Variants in C1orf159 observed in about 807,000 individuals in gnomAD.
C1orf159 encodes uncharacterized protein C1orf159.
C1orf159 carries 19 observed loss-of-function variants against 25.6 expected under a neutral mutation model. The ratio of observed to expected loss-of-function variants is 0.74; its 90% confidence interval spans 0.52 to 1.09. The LOEUF (loss-of-function observed/expected upper bound fraction) is 1.09. Among genes scored for constraint, C1orf159 ranks in the 50% least tolerant of loss-of-function variants. The pLI is 0.00. For synonymous variants in C1orf159, 139 were observed against 124.7 expected (o/e 1.12, Z -0.77); for missense variants, 274 against 290.6 (o/e 0.94, Z 0.42).
chr1:1,107,001 C>G (rs377567134), intron 1 of C1orf159: 83 of 152,468 alleles, frequency 5.4e-4, no homozygotes, highest in African/African-American at 1.9e-3. Flanking sequence ...TGCCTCCACG[C>G]GGGGCAGGGC....
intron 4 of C1orf159, among the ~76,000 whole-genome samples, chr1:1,088,843 G>A (rs1007489493): frequency 6.6e-6 from 1 of 152,120 alleles, no homozygotes; most frequent in African/African-American, 2.4e-5. Context: ...GGTTGTGACA[G>A]GGGTCACTCT....
At chr1:1,084,620 G>T (rs917936001) in intron 7 of C1orf159, 114 bp from the exon 8 acceptor site, 4 of 1,367,642 alleles carry the variant, frequency 2.9e-6, no homozygotes, top group Non-Finnish European at 4.0e-6. Flanking sequence ...AGCCCAGTGC[G>T]GCGTCCTCGG....
intron 9 of C1orf159, chr1:1,083,410 G>A (rs1645776859): frequency 1.5e-5 from 3 of 203,988 alleles, no homozygotes; most frequent in South Asian, 9.9e-5. Context: ...AGGGTTCCCC[G>A]GGCAGGCCCT....
chr1:1,092,189 G>A (rs1173003524), intron 1 of C1orf159, 86 bp from the exon 2 acceptor site: 2 of 336,870 alleles, frequency 5.9e-6, no homozygotes, highest in Admixed American at 8.0e-5. Flanking sequence ...TCTGGGTCCG[G>A]TCCGGGCCCT....
chr1:1,098,696 C>T (rs1248620303), intron 1 of C1orf159, among the ~76,000 whole-genome samples: 1 of 152,088 alleles, frequency 6.6e-6, no homozygotes, highest in Non-Finnish European at 1.5e-5. Context: ...TCGGGTCACT[C>T]CGTCTTTTGG....
At chr1:1,086,919 T>C (rs1645841026) in intron 6 of C1orf159, among the ~76,000 whole-genome samples, 1 of 152,158 alleles carries the variant, frequency 6.6e-6, no homozygotes, top group Non-Finnish European at 1.5e-5. Context: ...CTCCCCTAAC[T>C]ACGGCCCTTT....
chr1:1,093,308 T>G (rs975794728), intron 1 of C1orf159, among the ~76,000 whole-genome samples: 1 of 152,260 alleles, frequency 6.6e-6, no homozygotes, highest in African/African-American at 2.4e-5. Context: ...AACATCATTT[T>G]GATTCAGGAA....
intron 1 of C1orf159, among the ~76,000 whole-genome samples, chr1:1,098,161 A>C (rs1646035317): frequency 6.6e-6 from 1 of 151,744 alleles, no homozygotes; most frequent in Non-Finnish European, 1.5e-5. Flanking sequence ...CTCCACCTCT[A>C]GGGTTTTTAA....
chr1:1,089,166 C>T lies in C1orf159; in HGVS notation c.148+1187G>A, dbSNP rs1470795279. ...ACACCGCAGGCCCGGCCCCTCCCCA[C>T]GCGCGCCAGACGGTCCCCACCCTGC... On this transcript the variant is annotated intron_variant, in intron 4 of 9. Transcript: ENST00000421241. This position sits in a 1 kb window ranked among gnomAD's most constrained non-coding sequence, Gnocchi z 7.5. Among the ~76,000 whole-genome samples the T allele has an allele frequency of 7.9e-5, 12 of 152,290 alleles. No individual in the cohort carries two copies. Among genetic ancestry groups the T allele is most frequent in the East Asian group, 1.9e-4 (1 of 5,180 alleles).
In C1orf159 at chr1:1,091,186, T is replaced by C. The variant is rs186762014; in HGVS notation, c.72+286A>G. The C allele has an allele frequency of 3.2e-4, 198 of 615,910 alleles. 2 individuals are homozygous for C. The East Asian group carries it at 5.4e-3, about 17-fold the overall frequency. The allele number at this position is 615,910 out of a possible 1,614,324, so 38.2% of individuals were successfully genotyped here. ...GATAGCGATGCGCGGCACGCTGTGC[T>C]GTCACCGCTGGCAGAGGTGCTCCCA... is the stretch of plus-strand genomic sequence containing the variant. On this transcript the variant is annotated intron_variant, in intron 3 of 9. Coordinates refer to ENST00000421241, the MANE Select transcript of C1orf159 (RefSeq NM_017891.5).
rs1166940839 is a variant in C1orf159 at position 1,082,981 on chromosome 1, TTCC to T, written c.506_508del (p.Arg169_Lys170delinsGln). On this transcript the variant is annotated inframe_deletion, in exon 10 of 10. Transcript: ENST00000421241. Reference sequence around the variant, plus strand: ...CCGCTCCCGCCTGACGTAGCGCGGCTTCCGTACTGAAACGGGTCAGAGACAGGC... The same window carrying T: ...CCGCTCCCGCCTGACGTAGCGCGGCTGTACTGAAACGGGTCAGAGACAGGC... 6.3e-6 allele frequency: 10 copies of T among 1,597,710 alleles called. No homozygotes were observed. In the South Asian group the frequency reaches 1.1e-4, roughly 18 times the overall value.
chr1:1,100,984 T>A (rs992674661), intron 1 of C1orf159, among the ~76,000 whole-genome samples: 1 of 152,252 alleles, frequency 6.6e-6, no homozygotes, highest in Admixed American at 6.5e-5. Flanking sequence ...CTAATTTTGA[T>A]GTTCATCATT....
rs573243833 is a variant in C1orf159 at position 1,110,279 on chromosome 1, T to C, written c.-136+5781A>G. 8.5e-5 allele frequency among the ~76,000 whole-genome samples: 13 copies of C among 152,298 alleles called. No homozygotes were observed. In the South Asian group the frequency reaches 2.5e-3, roughly 29 times the overall value. On this transcript the variant is annotated intron_variant, in intron 1 of 9. Coordinates refer to ENST00000421241, the MANE Select transcript of C1orf159 (RefSeq NM_017891.5). The surrounding 1 kb of genome is among the most constrained non-coding windows in gnomAD (Gnocchi z 4.8). ...GGCCGGAAACTCAATTTTTAAGGTTTCTCTGGGGTCCCCTTGACCAAGAGG... is the reference window on the plus strand; with the variant it reads ...GGCCGGAAACTCAATTTTTAAGGTTCCTCTGGGGTCCCCTTGACCAAGAGG...
intron 1 of C1orf159, among the ~76,000 whole-genome samples, chr1:1,107,035 C>A (rs1013035419): frequency 6.6e-6 from 1 of 152,190 alleles, no homozygotes; most frequent in Admixed American, 6.5e-5. Flanking sequence ...ATGCCCGAGG[C>A]CCCCCGCACC....
chr1:1,111,067 T>A (rs1430003744), intron 1 of C1orf159, among the ~76,000 whole-genome samples: 2 of 152,246 alleles, frequency 1.3e-5, no homozygotes, highest in African/African-American at 2.4e-5. Context: ...TTTCACTGCA[T>A]GTAAATTATG....
intron 1 of C1orf159, among the ~76,000 whole-genome samples, chr1:1,102,614 TAAAAAAAAAAAAAAA>T (rs1170365187): frequency 2.1e-4 from 7 of 34,132 alleles, no homozygotes; most frequent in Non-Finnish European, 2.9e-4. Context: ...CTGTCTCTAC[TAAAAAAAAAAAAAAA>T]AAAAAAAAAA....
rs907900355 is a variant in C1orf159, at chr1:1,082,942, G to A, written c.548C>T (p.Ala183Val). Residue 183 changes from alanine (A) to valine (V), a missense_variant, in exon 10 of 10, where the codon GCC (alanine) becomes GTC (valine). Physicochemically the swap from Ala to Val is moderately conservative, Grantham distance 64. Coordinates refer to ENST00000421241, the MANE Select transcript of C1orf159 (RefSeq NM_017891.5). ...CCCCGGGAAGGCAGCGGGATCCGTG[G>A]CCCTGTCCAGGGGCCGCTCCCGCCT... Reference protein sequence around the residue: ...YVRRERPLDRATDPAAFPGEA... With the variant: ...YVRRERPLDRVTDPAAFPGEA... 5 of 1,604,068 alleles carry A rather than the reference G, an allele frequency of 3.1e-6. No individual in the cohort carries two copies. Among genetic ancestry groups the A allele is most frequent in the African/African-American group, 1.3e-5 (1 of 74,778 alleles).
chr1:1,085,456 G>T, intron 7 of C1orf159: 1 of 290,738 alleles, frequency 3.4e-6, no homozygotes, highest in East Asian at 9.1e-5. Context: ...GTAGGCTGGG[G>T]TGTGGGCCCT....
At chr1:1,112,034 G>A (rs1054528397) in intron 1 of C1orf159, among the ~76,000 whole-genome samples, 3 of 152,324 alleles carry the variant, frequency 2.0e-5, no homozygotes, top group African/African-American at 7.2e-5. Context: ...ACCGGAGTCG[G>A]GCGGTTGCCG....
Sources: allele counts gnomAD v4.1 joint callset (sites outside exome capture counted in the v4.1 genomes callset), GRCh38; gene constraint gnomAD v4.1.1; non-coding constraint Gnocchi (gnomAD v3.1); transcripts MANE v1.5; gene names NCBI Gene and HGNC (gene_info 2026-07-23, HGNC 2026-07-21).